Variants in EPN2 observed in about 807,000 individuals in gnomAD.
EPN2 encodes epsin 2.
EPN2 carries 34 observed loss-of-function variants against 61.7 expected under a neutral mutation model. The observed-to-expected ratio is 0.55, with a 90% CI of 0.42 to 0.73. The LOEUF (loss-of-function observed/expected upper bound fraction) is 0.73. EPN2 is among the 30% of genes least tolerant of loss of function. EPN2 has a pLI of 0.00. For synonymous variants in EPN2, 349 were observed against 353.6 expected (o/e 0.99, Z 0.15); for missense variants, 714 against 839.2 (o/e 0.85, Z 1.84).
At chr17:19,329,936 C>G (rs1243897035) in intron 9 of EPN2, among the ~76,000 whole-genome samples, 1 of 152,210 alleles carries the variant, frequency 6.6e-6, no homozygotes, top group Non-Finnish European at 1.5e-5. Context: ...TGGCCTGATC[C>G]AGCATTTCCA....
chr17:19,260,572 G>A (rs1452862324), intron 1 of EPN2, among the ~76,000 whole-genome samples: 1 of 151,928 alleles, frequency 6.6e-6, no homozygotes, highest in Admixed American at 6.6e-5. Flanking sequence ...GAGACCTGTT[G>A]GCCAAAGGCT....
chr17:19,241,242 C>T (rs972627326), intron 1 of EPN2, among the ~76,000 whole-genome samples: 12 of 152,066 alleles, frequency 7.9e-5, no homozygotes, highest in African/African-American at 2.7e-4. Context: ...TGTTTTTTGT[C>T]AGATGCATTG....
intron 1 of EPN2, chr17:19,257,905 T>A (rs1483207663): frequency 6.6e-6 from 1 of 152,256 alleles, no homozygotes; most frequent in Admixed American, 6.5e-5. Context: ...GCTCAGAGCT[T>A]TCCCTTGACT....
intron 9 of EPN2, among the ~76,000 whole-genome samples, chr17:19,330,306 T>C (rs546044310): frequency 1.2e-4 from 18 of 152,316 alleles, no homozygotes; most frequent in African/African-American, 4.1e-4. Context: ...TTCTCTCTTT[T>C]TTTCTTTCCT....
At position 19,284,584 on chromosome 17, in the gene EPN2, C is replaced by G. The variant is rs1385888731; in HGVS notation, c.595+870C>G. ...TTGTAGAAATTATATCTTCTGGCTG[C>G]TAAAACAAAAGTGCAGATCCCTAGT... On this transcript the variant is annotated intron_variant, in intron 3 of 10. Coordinates refer to ENST00000314728, the MANE Select transcript of EPN2 (RefSeq NM_014964.5). Among the ~76,000 whole-genome samples the G allele has an allele frequency of 3.9e-5, 6 of 152,188 alleles. No individual in the cohort carries two copies. In the East Asian group the frequency reaches 1.2e-3, roughly 29 times the overall value.
Position 19,334,164 on chromosome 17 carries a change from G to T in EPN2, c.1836G>T (p.Leu612=). The change falls in exon 11 of 11, where the codon CTG becomes CTT. Residue 612 remains leucine, a synonymous_variant. Coordinates refer to ENST00000314728, the MANE Select transcript of EPN2 (RefSeq NM_014964.5). This position sits in a 1 kb window ranked among gnomAD's most constrained non-coding sequence, Gnocchi z 4.9. ...LGATGSSLTP[L]GPAMMNMVGS... is the part of the protein sequence containing the mutation. The stretch of plus-strand genomic sequence containing the variant: ...CCACTGGTTCCTCTCTGACACCACT[G>T]GGCCCTGCAATGATGAACATGGTGG... The T allele has an allele frequency of 6.3e-7, 1 of 1,599,020 alleles. No individual in the cohort carries two copies. Among genetic ancestry groups the T allele is most frequent in the East Asian group, 2.3e-5 (1 of 44,368 alleles).
intron 1 of EPN2, among the ~76,000 whole-genome samples, chr17:19,261,724 A>C (rs1381233264): frequency 6.6e-6 from 1 of 152,228 alleles, no homozygotes; most frequent in Non-Finnish European, 1.5e-5. Context: ...GATGGGCTAC[A>C]TGATGTGAGA....
chr17:19,303,045 G>T (rs1905612208), intron 4 of EPN2, among the ~76,000 whole-genome samples: 1 of 152,222 alleles, frequency 6.6e-6, no homozygotes, highest in South Asian at 2.1e-4. Flanking sequence ...GCGTTCAGTC[G>T]CTTTCCTGGG....
At chr17:19,325,237 G>A (rs1906815942) in intron 7 of EPN2, among the ~76,000 whole-genome samples, 1 of 152,202 alleles carries the variant, frequency 6.6e-6, no homozygotes, top group African/African-American at 2.4e-5. Flanking sequence ...AATATTCCTA[G>A]TCATTGTATG....
At position 19,318,549 on chromosome 17, in the gene EPN2, C is replaced by CAAAAAAAAAAA. The variant is rs58660254; in HGVS notation, c.1147+5278_1147+5288dup. On this transcript the variant is annotated intron_variant, in intron 7 of 10. Coordinates refer to ENST00000314728, the MANE Select transcript of EPN2 (RefSeq NM_014964.5). ...TGGGCAACAGAGCGAGACTCCATCTCAAAAAAAAAAAAAAAAAAGAGTAGG... is the reference window on the plus strand; with the variant it reads ...TGGGCAACAGAGCGAGACTCCATCTCAAAAAAAAAAAAAAAAAAAAAAAAAAAAAGAGTAGG... Among the ~76,000 whole-genome samples the CAAAAAAAAAAA allele has an allele frequency of 1.9e-3, 47 of 24,780 alleles. 12 individuals are homozygous for CAAAAAAAAAAA. The highest frequency in any genetic ancestry group is 4.2e-3 in the Admixed American group (9 of 2,136). 16.3% of individuals were successfully genotyped at this position (24,780 alleles called of 152,430 possible).
intron 8 of EPN2, 42 bp downstream of exon 8, chr17:19,328,929 C>G: frequency 6.4e-7 from 1 of 1,555,652 alleles, no homozygotes; most frequent in Non-Finnish European, 8.8e-7. Context: ...GGCCTCTGAG[C>G]GCCCACGGGC....
intron 1 of EPN2, among the ~76,000 whole-genome samples, chr17:19,279,367 C>A (rs2045338426): frequency 6.6e-6 from 1 of 152,178 alleles, no homozygotes. Flanking sequence ...TCTGCTTCCA[C>A]CCACAAGGTC....
chr17:19,244,013 T>C (rs545607143), intron 1 of EPN2, among the ~76,000 whole-genome samples: 1 of 152,312 alleles, frequency 6.6e-6, no homozygotes, highest in South Asian at 2.1e-4. Context: ...AATATTGGTC[T>C]GAAGATGATG....
At chr17:19,329,675 A>G in intron 9 of EPN2, 28 bp downstream of exon 9, 1 of 1,349,826 alleles carries the variant, frequency 7.4e-7, no homozygotes, top group Non-Finnish European at 1.1e-6. Context: ...TGGTTTCCAT[A>G]ATCCTCCGTG....
At chr17:19,327,836 G>T (rs1906955745) in intron 7 of EPN2, among the ~76,000 whole-genome samples, 1 of 152,206 alleles carries the variant, frequency 6.6e-6, no homozygotes, top group South Asian at 2.1e-4. Context: ...AATGGTTGGG[G>T]TAGGAATGTC....
At chr17:19,295,849 T>C (rs1001397729) in intron 4 of EPN2, among the ~76,000 whole-genome samples, 10 of 152,148 alleles carry the variant, frequency 6.6e-5, no homozygotes, top group African/African-American at 2.4e-4. Context: ...AGCAGTGTGC[T>C]GGGGGCTGCT....
At position 19,237,508 on chromosome 17, in the gene EPN2, C is replaced by T. The variant is rs1016945333; in HGVS notation, c.-317C>T. 1.3e-5 allele frequency: 2 copies of T among 152,452 alleles called. No homozygotes were observed. The highest frequency in any genetic ancestry group is 4.8e-5 in the African/African-American group (2 of 41,560). 9.4% of individuals were successfully genotyped at this position (152,452 alleles called of 1,614,324 possible). A position where few individuals can be genotyped will look rare whatever the true frequency, so the allele number is the denominator to read the frequency against. ...GCTGCCGGTGGCCGCAGCGGCGCAC[C>T]CACGCCGGCCCGGAGGAGCAGAGGT... On this transcript the variant is annotated 5_prime_UTR_variant, in exon 1 of 11. Coordinates refer to ENST00000314728, the MANE Select transcript of EPN2 (RefSeq NM_014964.5).
At chr17:19,309,392 G>A (rs1266663416) in intron 4 of EPN2, among the ~76,000 whole-genome samples, 1 of 152,236 alleles carries the variant, frequency 6.6e-6, no homozygotes, top group Non-Finnish European at 1.5e-5. Flanking sequence ...GCCTCCCAAA[G>A]TGTGAGGATT....
chr17:19,246,624 G>C (rs1056103464), intron 1 of EPN2, among the ~76,000 whole-genome samples: 5 of 152,002 alleles, frequency 3.3e-5, no homozygotes, highest in African/African-American at 1.2e-4. Context: ...TTAAGACTCT[G>C]AGGTGAATAA....
Sources: gnomAD v4.1 joint callset for allele counts (sites outside exome capture counted in the v4.1 genomes callset) on GRCh38, gnomAD v4.1.1 for gene constraint, Gnocchi (gnomAD v3.1) non-coding constraint, MANE v1.5 for transcripts, NCBI Gene and HGNC (gene_info 2026-07-23, HGNC 2026-07-21) for gene names.